Variants in DUXA observed in about 807,000 individuals in gnomAD.
DUXA encodes the protein double homeobox protein A.
Under a neutral mutation model 27.5 loss-of-function variants are expected in DUXA, and 25 were observed. That is an observed-to-expected ratio of 0.91 (90% CI 0.66 to 1.27). The LOEUF is 1.27. Among genes scored for constraint, DUXA ranks in the 50% most tolerant of loss-of-function variants. The pLI, the probability that DUXA is intolerant of heterozygous loss-of-function variation, is 0.00. For missense variants in DUXA, 247 were observed against 242.9 expected, an observed-to-expected ratio of 1.02 and a Z score of -0.11; for synonymous variants, 90 against 80.5, an observed-to-expected ratio of 1.12 and a Z score of -0.63.
intron 1 of DUXA, 147 bp from the exon 2 acceptor site, chr19:57,160,944 G>T: frequency 1.1e-6 from 1 of 872,940 alleles, no homozygotes; most frequent in Non-Finnish European, 1.7e-6. Context: ...TGGAGCTCTT[G>T]AACACACAAT....
At chr19:57,158,263 T>G in intron 4 of DUXA, 65 bp downstream of exon 4, 1 of 1,578,632 alleles carries the variant, frequency 6.3e-7, no homozygotes, top group Non-Finnish European at 8.7e-7. Context: ...CTGAGGCCCA[T>G]GTGGCTTCCC....
chr19:57,163,755 G>C (rs2087036711), intron 1 of DUXA, among the ~76,000 whole-genome samples: 1 of 152,316 alleles, frequency 6.6e-6, no homozygotes, highest in East Asian at 1.9e-4. Flanking sequence ...TTAAAGGGTA[G>C]TTGTCACATG....
intron 1 of DUXA, among the ~76,000 whole-genome samples, chr19:57,161,528 CAGG>C (rs1407550438): frequency 2.7e-5 from 4 of 149,846 alleles, no homozygotes; most frequent in Admixed American, 6.7e-5. Context: ...GAGGCTGAGG[CAGG>C]AGAATGGCGT....
At chr19:57,162,330 C>A (rs149541015) in intron 1 of DUXA, among the ~76,000 whole-genome samples, 1 of 152,012 alleles carries the variant, frequency 6.6e-6, no homozygotes, top group Non-Finnish European at 1.5e-5. Context: ...GTGGAATTTT[C>A]CAATAGGAAA....
chr19:57,155,135 C>T (rs1331831848), intron 5 of DUXA, 132 bp downstream of exon 5: 2 of 755,794 alleles, frequency 2.6e-6, no homozygotes, highest in Non-Finnish European at 4.4e-6. Flanking sequence ...TGAGCAACCC[C>T]ATGGTACCGT....
chr19:57,165,301 T>C (rs2087045486), intron 1 of DUXA, among the ~76,000 whole-genome samples: 1 of 93,152 alleles, frequency 1.1e-5, no homozygotes, highest in African/African-American at 3.8e-5. Flanking sequence ...TCTACATTTC[T>C]GGAGTAGGAA....
intron 4 of DUXA, among the ~76,000 whole-genome samples, chr19:57,156,742 G>A (rs929476180): frequency 6.6e-6 from 1 of 152,088 alleles, no homozygotes; most frequent in Non-Finnish European, 1.5e-5. Context: ...TCGGCTCACC[G>A]CAACCTCCGC....
chr19:57,167,432 G>A lies in DUXA; in HGVS notation c.12C>T (p.Asp4=), dbSNP rs1241882199. MAE[D]TYSHKMVKTN... ...AAGGGAACTTACTGTGTGAATAGGT[G>A]TCTTCGGCCATGCTGGAAGAGAGTC... is the stretch of plus-strand genomic sequence containing the variant. The change falls in exon 1 of 6, where the codon GAC becomes GAT. Residue 4 remains aspartate (D), a synonymous_variant. Transcript: ENST00000554048. 2 of 1,613,596 alleles carry A rather than the reference G, an allele frequency of 1.2e-6. No individual in the cohort carries two copies. Among genetic ancestry groups the A allele is most frequent in the Non-Finnish European group, 1.7e-6 (2 of 1,179,918 alleles).
intron 4 of DUXA, among the ~76,000 whole-genome samples, chr19:57,157,338 AT>A (rs906500613): frequency 4.3e-4 from 65 of 150,366 alleles, no homozygotes; most frequent in African/African-American, 1.5e-3. Context: ...GGACCTCATA[AT>A]TTTTTTTTTC....
chr19:57,161,186 G>A (rs555958439), intron 1 of DUXA, among the ~76,000 whole-genome samples: 20 of 151,708 alleles, frequency 1.3e-4, no homozygotes, highest in African/African-American at 1.9e-4. Flanking sequence ...TTAGCCAGTC[G>A]TGGTGGCGTG....
intron 1 of DUXA, among the ~76,000 whole-genome samples, chr19:57,161,324 C>CAA (rs71186230): frequency 0.026 from 1,214 of 47,360 alleles, 162 homozygotes; most frequent in African/African-American, 0.15. Flanking sequence ...GACTCTATCT[C>CAA]AAAAAAAAAA....
rs1555759590 is a variant in DUXA, at chr19:57,165,324, A to ATATATAT, written c.25+2094_25+2095insATATATA. Among the ~76,000 whole-genome samples the ATATATAT allele has an allele frequency of 5.9e-4, 53 of 89,262 alleles. 1 individual carries two copies. The highest frequency in any genetic ancestry group is 1.9e-3 in the African/African-American group (47 of 24,586). 58.6% of individuals were successfully genotyped at this position (89,262 alleles called of 152,430 possible). ...TCTGGAGTAGGAAAAAAAAAAAAAA[A>ATATATAT]ATATATATATATATATATATGTATA... is the stretch of plus-strand genomic sequence containing the variant. On this transcript the variant is annotated intron_variant, in intron 1 of 5. Coordinates refer to ENST00000554048, the MANE Select transcript of DUXA (RefSeq NM_001012729.2).
In DUXA at chr19:57,154,090, G is replaced by A. The variant is rs2086978097; in HGVS notation, c.*322C>T. On this transcript the variant is annotated 3_prime_UTR_variant, in exon 6 of 6. Transcript: ENST00000554048. ...CTTCTGAACTCTGGATCTAGGCTGT[G>A]TCAACAGGGTAGTGTGGTACCCCCT... 1 of 201,992 alleles carries A rather than the reference G, an allele frequency of 5.0e-6. No homozygotes were observed. The highest frequency in any genetic ancestry group is 1.0e-5 in the Non-Finnish European group (1 of 99,490). 12.5% of individuals were successfully genotyped at this position (201,992 alleles called of 1,614,324 possible).
Position 57,159,198 on chromosome 19 carries a change from C to T in DUXA, c.261G>A (p.Gln87=). 1 of 1,614,172 alleles carries T rather than the reference C, an allele frequency of 6.2e-7. No homozygotes were observed. Residue 87 remains glutamine (Q), a synonymous_variant, in exon 3 of 6, where the codon CAG becomes CAA. Coordinates refer to ENST00000554048, the MANE Select transcript of DUXA (RefSeq NM_001012729.2). ...EAETLESSQS[Q]GQDQPGVEFQ... is the part of the protein sequence containing the mutation. ...ACTCCACACCAGGTTGATCTTGCCC[C>T]TGGCTCTGGCTTGATTCTAAAGTCT...
chr19:57,165,684 A>G (rs911241542), intron 1 of DUXA, among the ~76,000 whole-genome samples: 1 of 151,374 alleles, frequency 6.6e-6, no homozygotes, highest in Non-Finnish European at 1.5e-5. Flanking sequence ...GGGCGTCTGT[A>G]GTCCCAGCTA....
chr19:57,159,279 C>T lies in DUXA; in HGVS notation c.181-1G>A. On this transcript the variant is annotated splice_acceptor_variant, in intron 2 of 5. Transcript: ENST00000554048. LOFTEE classifies it high-confidence loss of function. ...TAGCTCTTCGATTCTGAAACCAAATCTAAGTGAGGAAAAGAAAAGGAGAGA... is the reference window on the plus strand; with the variant it reads ...TAGCTCTTCGATTCTGAAACCAAATTTAAGTGAGGAAAAGAAAAGGAGAGA... The T allele has an allele frequency of 6.2e-7, 1 of 1,612,684 alleles. No homozygotes were observed. Among genetic ancestry groups the T allele is most frequent in the Non-Finnish European group, 8.5e-7 (1 of 1,179,384 alleles).
chr19:57,162,678 G>C (rs1044857808), intron 1 of DUXA, among the ~76,000 whole-genome samples: 1 of 152,108 alleles, frequency 6.6e-6, no homozygotes, highest in Non-Finnish European at 1.5e-5. Flanking sequence ...AGATTCAAGT[G>C]ATTCTCCTGC....
At chr19:57,165,201 C>G (rs2087045096) in intron 1 of DUXA, among the ~76,000 whole-genome samples, 1 of 151,356 alleles carries the variant, frequency 6.6e-6, no homozygotes, top group Non-Finnish European at 1.5e-5. Flanking sequence ...TTACATAGAC[C>G]TGCCCTGATA....
chr19:57,160,568 T>C (rs2087015269), intron 2 of DUXA, 75 bp downstream of exon 2: 23 of 1,540,900 alleles, frequency 1.5e-5, no homozygotes, highest in Non-Finnish European at 2.0e-5. Flanking sequence ...CATGGGTACA[T>C]AGTATGGGCT....
Sources: allele counts gnomAD v4.1 joint callset (sites outside exome capture counted in the v4.1 genomes callset), GRCh38; gene constraint gnomAD v4.1.1; transcripts MANE v1.5; gene names NCBI Gene and HGNC (gene_info 2026-07-23, HGNC 2026-07-21).